The following DLC1 variants were observed in gnomAD, a reference collection of about 807,000 sequenced individuals.
DLC1 encodes DLC1 Rho GTPase activating protein, also known as rho GTPase-activating protein 7.
DLC1 carries 54 observed loss-of-function variants against 140.3 expected under a neutral mutation model. That is an observed-to-expected ratio of 0.38 (90% confidence interval 0.31 to 0.48). The LOEUF (loss-of-function observed/expected upper bound fraction) is 0.48, where lower values mean the gene tolerates loss of function less well. Among genes scored for constraint, DLC1 ranks in the 20% least tolerant of loss-of-function variants. The pLI is 0.96. For missense variants in DLC1, 2,536 were observed against 1,907.0 expected (o/e 1.33, Z -6.14); for synonymous variants, 986 against 728.1 (o/e 1.35, Z -5.70).
At chr8:13,436,456 C>T (rs73555421) in intron 2 of DLC1, among the ~76,000 whole-genome samples, 8,104 of 152,236 alleles carry the variant, frequency 0.053, 250 homozygotes, top group Middle Eastern at 0.085. Flanking sequence ...AAAGGACTGA[C>T]CCGTTTTCAA....
Position 13,355,890 on chromosome 8 carries a change from T to C in DLC1, c.1314+37663A>G, listed in dbSNP as rs987355499. ...ATGAGGTCAGGAGATCGAGACCATC[T>C]TGGCTAACATGGTGAAACCCCGTCT... On this transcript the variant is annotated intron_variant, in intron 4 of 17. Transcript: ENST00000276297. Among the ~76,000 whole-genome samples the C allele has an allele frequency of 1.1e-4, 16 of 151,634 alleles. No individual in the cohort carries two copies. In the East Asian group the frequency reaches 2.5e-3, roughly 24 times the overall value.
chr8:13,348,076 A>C (rs1467186965), intron 4 of DLC1, among the ~76,000 whole-genome samples: 7 of 140,344 alleles, frequency 5.0e-5, no homozygotes, highest in Non-Finnish European at 7.7e-5. Context: ...GCGACAGAGC[A>C]AGACTCCATC....
At chr8:13,450,281 G>A (rs757564031) in intron 2 of DLC1, among the ~76,000 whole-genome samples, 3 of 151,190 alleles carry the variant, frequency 2.0e-5, no homozygotes, top group East Asian at 2.0e-4. Flanking sequence ...ATGGTGAAAC[G>A]CTGTCTCTAC....
At chr8:13,451,839 A>T (rs1189504249) in intron 2 of DLC1, among the ~76,000 whole-genome samples, 1 of 152,194 alleles carries the variant, frequency 6.6e-6, no homozygotes, top group East Asian at 1.9e-4. Flanking sequence ...GGGATTGCAG[A>T]TATCTGTTTG....
chr8:13,277,715 C>G (rs1831226406), intron 5 of DLC1, among the ~76,000 whole-genome samples: 1 of 151,942 alleles, frequency 6.6e-6, no homozygotes, highest in East Asian at 1.9e-4. Flanking sequence ...TCTAGCAAAT[C>G]TTACCTTATA....
chr8:13,183,732 G>T (rs565953224), intron 5 of DLC1, among the ~76,000 whole-genome samples: 1 of 152,096 alleles, frequency 6.6e-6, no homozygotes, highest in Non-Finnish European at 1.5e-5. Context: ...ATTTTACTGA[G>T]GATTTTTGCA....
At chr8:13,572,949 A>G (rs896924574) in intron 1 of DLC1, among the ~76,000 whole-genome samples, 3 of 152,072 alleles carry the variant, frequency 2.0e-5, no homozygotes, top group Non-Finnish European at 4.4e-5. Flanking sequence ...TGTTTTGGCT[A>G]TTCATGGTTC....
At chr8:13,426,599 GA>G (rs1186725110) in intron 2 of DLC1, among the ~76,000 whole-genome samples, 2 of 152,152 alleles carry the variant, frequency 1.3e-5, no homozygotes, top group Non-Finnish European at 2.9e-5. Context: ...GCTCAAGTGA[GA>G]ATTGACACCA....
intron 5 of DLC1, among the ~76,000 whole-genome samples, chr8:13,161,169 C>T (rs1824667180): frequency 6.6e-6 from 1 of 152,152 alleles, no homozygotes; most frequent in South Asian, 2.1e-4. Flanking sequence ...TCTTTCCTCA[C>T]CCAAAATATA....
At chr8:13,317,503 G>C (rs1021751371) in intron 4 of DLC1, among the ~76,000 whole-genome samples, 2 of 152,152 alleles carry the variant, frequency 1.3e-5, no homozygotes, top group Admixed American at 1.3e-4. Context: ...GTAGAAGATA[G>C]GAGATGAAGA....
At chr8:13,566,286 C>T (rs1270361806) in intron 1 of DLC1, among the ~76,000 whole-genome samples, 1 of 152,012 alleles carries the variant, frequency 6.6e-6, no homozygotes, top group Non-Finnish European at 1.5e-5. Flanking sequence ...GATATGCTAG[C>T]CAGAGGGGAC....
intron 4 of DLC1, among the ~76,000 whole-genome samples, chr8:13,328,052 C>T (rs1391791502): frequency 6.6e-6 from 1 of 152,120 alleles, no homozygotes; most frequent in Admixed American, 6.5e-5. Context: ...TAGCTGGAAT[C>T]TGGTGAGTGA....
At chr8:13,536,616 G>A (rs192224225) in intron 1 of DLC1, among the ~76,000 whole-genome samples, 38 of 152,250 alleles carry the variant, frequency 2.5e-4, no homozygotes, top group Admixed American at 7.2e-4. Context: ...GTGTTCATGA[G>A]TTACAGGGCA....
At position 13,431,482 on chromosome 8, in the gene DLC1, CAAAAAAAAAAAAAAAAAAA is replaced by C. The variant is rs56057254; in HGVS notation, c.1024-29882_1024-29864del. ...TGGGCCACAGAGCGAGACTCCGTCT[CAAAAAAAAAAAAAAAAAAA>C]AAAAAAAAAAAAAAGAAAAGAATCA... On this transcript the variant is annotated intron_variant, in intron 2 of 17. Transcript: ENST00000276297. 4.2e-3 allele frequency among the ~76,000 whole-genome samples: 171 copies of C among 40,646 alleles called. 1 individual carries two copies. The highest frequency in any genetic ancestry group is 0.014 in the African/African-American group (118 of 8,700). 26.7% of individuals were successfully genotyped at this position (40,646 alleles called of 152,430 possible).
At chr8:13,383,041 A>G (rs1304583997) in intron 4 of DLC1, among the ~76,000 whole-genome samples, 1 of 152,248 alleles carries the variant, frequency 6.6e-6, no homozygotes, top group African/African-American at 2.4e-5. Flanking sequence ...GTGAAAAATT[A>G]AAAGACATCT....
intron 1 of DLC1, among the ~76,000 whole-genome samples, chr8:13,511,733 A>T (rs1012024302): frequency 6.6e-6 from 1 of 152,134 alleles, no homozygotes; most frequent in Non-Finnish European, 1.5e-5. Context: ...AATTCTTGAC[A>T]TGTCTCTATT....
At chr8:13,118,020 TTTTTTTTGA>T (rs1429587367) in intron 5 of DLC1, among the ~76,000 whole-genome samples, 3 of 148,316 alleles carry the variant, frequency 2.0e-5, no homozygotes, top group African/African-American at 7.5e-5. Context: ...TTTTTTTTTT[TTTTTTTTGA>T]GACAGAGTCT....
At chr8:13,480,327 A>T (rs1456377566) in intron 2 of DLC1, among the ~76,000 whole-genome samples, 1 of 152,220 alleles carries the variant, frequency 6.6e-6, no homozygotes, top group African/African-American at 2.4e-5. Context: ...AAATAAGAAT[A>T]TAAGAAAGAT....
At chr8:13,192,147 T>C (rs775203413) in intron 5 of DLC1, among the ~76,000 whole-genome samples, 1 of 151,732 alleles carries the variant, frequency 6.6e-6, no homozygotes, top group Non-Finnish European at 1.5e-5. Flanking sequence ...GACAGGGTTT[T>C]ACCATGTTGG....
Sources: gnomAD v4.1 joint callset for allele counts (sites outside exome capture counted in the v4.1 genomes callset) on GRCh38, gnomAD v4.1.1 for gene constraint, MANE v1.5 for transcripts, NCBI Gene and HGNC (gene_info 2026-07-23, HGNC 2026-07-21) for gene names.